The following HPSE2 variants were observed in gnomAD, a reference collection of about 807,000 sequenced individuals.
HPSE2 encodes heparanase 2 (inactive).
In HPSE2, 38 loss-of-function variants were observed where a neutral mutation model predicts 60.5. That is an observed-to-expected ratio of 0.63 (90% CI 0.48 to 0.82). The LOEUF is 0.82. HPSE2 is among the 40% of genes least tolerant of loss of function. HPSE2 has a pLI of 0.00. For synonymous variants in HPSE2, 295 were observed against 293.2 expected (o/e 1.01, Z -0.06); for missense variants, 713 against 740.4 (o/e 0.96, Z 0.43).
Position 99,047,574 on chromosome 10 carries a change from A to G in HPSE2, c.610+96664T>C, listed in dbSNP as rs142528120. On this transcript the variant is annotated intron_variant, in intron 3 of 11. Transcript: ENST00000370552. ...AATATTCACAAACTTTGCATATGCC[A>G]AGGTCTAATAGCCAGAATCTATAAG... is the stretch of plus-strand genomic sequence containing the variant. 19 of 563,192 alleles carry G rather than the reference A, an allele frequency of 3.4e-5. No individual in the cohort carries two copies. In the Middle Eastern group the frequency reaches 1.5e-3, roughly 43 times the overall value. 34.9% of individuals were successfully genotyped at this position (563,192 alleles called of 1,614,324 possible).
intron 3 of HPSE2, among the ~76,000 whole-genome samples, chr10:98,948,144 T>C (rs1196459832): frequency 1.3e-5 from 2 of 152,176 alleles, no homozygotes; most frequent in African/African-American, 2.4e-5. Context: ...ACATTGAAGA[T>C]GCCATCATTG....
At chr10:99,280,818 A>G in the HPSE2 span, among the ~76,000 whole-genome samples, 1 of 152,158 alleles carries the variant, frequency 6.6e-6, no homozygotes, top group Non-Finnish European at 1.5e-5. Context: ...TGTGACCTTG[A>G]ACTAGACACT....
intron 3 of HPSE2, among the ~76,000 whole-genome samples, chr10:98,752,903 C>A (rs1949791392): frequency 6.6e-6 from 1 of 152,092 alleles, no homozygotes; most frequent in African/African-American, 2.4e-5. Context: ...TGTGGATGAA[C>A]ATGGAGGACA....
At chr10:99,283,504 A>C in the HPSE2 span, among the ~76,000 whole-genome samples, 2 of 38,438 alleles carry the variant, frequency 5.2e-5, no homozygotes, top group African/African-American at 3.3e-4. Context: ...CTCACAAAAA[A>C]TCAAAAAAAA....
At chr10:99,115,107 C>T (rs942863976) in intron 3 of HPSE2, among the ~76,000 whole-genome samples, 2 of 150,226 alleles carry the variant, frequency 1.3e-5, no homozygotes, top group Non-Finnish European at 3.0e-5. Flanking sequence ...CCTGAGCCAA[C>T]GGGGAAGCTG....
the HPSE2 span, among the ~76,000 whole-genome samples, chr10:99,313,592 A>ATTTTTTT: frequency 3.5e-4 from 30 of 84,644 alleles, 3 homozygotes; most frequent in Admixed American, 5.3e-4. Flanking sequence ...ACTGACTCCA[A>ATTTTTTT]TTTTTTTTTT....
At chr10:98,648,184 C>T (rs926710356) in intron 6 of HPSE2, among the ~76,000 whole-genome samples, 7 of 152,180 alleles carry the variant, frequency 4.6e-5, no homozygotes, top group African/African-American at 1.7e-4. Flanking sequence ...GCCTCAAGCC[C>T]AGACCCTTTT....
intron 3 of HPSE2, among the ~76,000 whole-genome samples, chr10:98,974,513 G>A (rs558261313): frequency 2.4e-4 from 36 of 152,102 alleles, no homozygotes; most frequent in South Asian, 8.3e-4. Context: ...TGATCCACCC[G>A]CCTTGGCCTG....
chr10:98,681,495 T>C (rs896737435), intron 6 of HPSE2, among the ~76,000 whole-genome samples: 1 of 152,220 alleles, frequency 6.6e-6, no homozygotes, highest in Non-Finnish European at 1.5e-5. Flanking sequence ...CCAATGGAAT[T>C]TGATACATTA....
chr10:98,634,996 G>A (rs1946460130), intron 7 of HPSE2, among the ~76,000 whole-genome samples: 1 of 152,132 alleles, frequency 6.6e-6, no homozygotes, highest in South Asian at 2.1e-4. Context: ...TGGACTCCTA[G>A]AGCACCCTGT....
At chr10:98,524,768 A>C (rs538021367) in intron 9 of HPSE2, among the ~76,000 whole-genome samples, 1 of 152,356 alleles carries the variant, frequency 6.6e-6, no homozygotes, top group East Asian at 1.9e-4. Context: ...TGTATTATAC[A>C]AGCTGTGAAA....
intron 3 of HPSE2, among the ~76,000 whole-genome samples, chr10:99,136,685 C>G (rs768000585): frequency 6.6e-6 from 1 of 152,120 alleles, no homozygotes; most frequent in Non-Finnish European, 1.5e-5. Flanking sequence ...TGACAAAATT[C>G]AACACCCCTT....
intron 3 of HPSE2, among the ~76,000 whole-genome samples, chr10:99,078,653 T>C (rs781324693): frequency 1.1e-4 from 17 of 152,192 alleles, no homozygotes; most frequent in Non-Finnish European, 2.2e-4. Context: ...GACCCACAGA[T>C]ATGGAGGGCC....
rs757916623 is a variant in HPSE2 at position 98,459,577 on chromosome 10, T to C, written c.1776A>G (p.Arg592=). Residue 592 remains arginine (R), a synonymous_variant, in exon 12 of 12, where the codon CGA becomes CGG. Transcript: ENST00000370552. ...TAGCCGTGAGTGTGAGGATAGCTTA[T>C]CGGTAGCGGCAGGCCAAAGCATTGA... ...KNVNALACRY[R] 6.2e-7 allele frequency: 1 copy of C among 1,614,018 alleles called. No homozygotes were observed. The highest frequency in any genetic ancestry group is 1.3e-5 in the African/African-American group (1 of 74,986).
At chr10:99,121,817 T>A (rs183117849) in intron 3 of HPSE2, among the ~76,000 whole-genome samples, 1 of 152,258 alleles carries the variant, frequency 6.6e-6, no homozygotes, top group South Asian at 2.1e-4. Context: ...CAAAAATATA[T>A]CTACAATGAT....
At chr10:98,996,285 T>C (rs1208520872) in intron 3 of HPSE2, among the ~76,000 whole-genome samples, 6 of 152,072 alleles carry the variant, frequency 3.9e-5, no homozygotes. Context: ...TGTTTGAAAA[T>C]TAAAAGTTAA....
chr10:99,046,063 A>G (rs1311181102), intron 3 of HPSE2, among the ~76,000 whole-genome samples: 1 of 151,892 alleles, frequency 6.6e-6, no homozygotes, highest in East Asian at 1.9e-4. Context: ...AATATCCCTG[A>G]TGACACAAAA....
At chr10:99,196,713 C>T (rs902580331) in intron 2 of HPSE2, among the ~76,000 whole-genome samples, 2 of 152,090 alleles carry the variant, frequency 1.3e-5, no homozygotes, top group African/African-American at 4.8e-5. Flanking sequence ...CAGGCAATAA[C>T]AAATGCTGGC....
intron 9 of HPSE2, among the ~76,000 whole-genome samples, chr10:98,555,038 T>G (rs1044363319): frequency 1.3e-5 from 2 of 152,182 alleles, no homozygotes; most frequent in Admixed American, 1.3e-4. Context: ...ATATAACTGT[T>G]AAGTAAAAAT....
Sources: allele counts gnomAD v4.1 joint callset (sites outside exome capture counted in the v4.1 genomes callset), GRCh38; gene constraint gnomAD v4.1.1; transcripts MANE v1.5; gene names NCBI Gene and HGNC (gene_info 2026-07-23, HGNC 2026-07-21).